RAB9B: variants seen among roughly 807,000 people sequenced by gnomAD.
RAB9B encodes ras-related protein Rab-9B.
Under a neutral mutation model 8.9 loss-of-function variants are expected in RAB9B, and 1 was observed. The ratio of observed to expected loss-of-function variants is 0.11; its 90% CI spans 0.04 to 0.53. The LOEUF (loss-of-function observed/expected upper bound fraction) is 0.53. Among genes scored for constraint, RAB9B ranks in the 20% least tolerant of loss-of-function variants. The pLI is 0.93. For synonymous variants in RAB9B, 63 were observed against 57.0 expected (o/e 1.10, Z -0.47); for missense variants, 82 against 152.9 (o/e 0.54, Z 2.45).
chrX:103,804,712 C>T, the RAB9B span, among the ~76,000 whole-genome samples: 4 of 111,771 alleles, frequency 3.6e-5, no homozygotes, highest in Middle Eastern at 4.2e-3. Context: ...GAAGTTTTGT[C>T]ATTTTCTGTG....
chrX:103,788,933 G>A, the RAB9B span: 3 of 277,000 alleles, frequency 1.1e-5, no homozygotes, highest in East Asian at 2.3e-4. Context: ...AAGTACATTT[G>A]AAAGGGAAAG....
chrX:103,787,045 G>A, the RAB9B span: 1 of 312,388 alleles, frequency 3.2e-6, no homozygotes, highest in Middle Eastern at 9.6e-4. Context: ...TACCACAAGA[G>A]TGGATCTAAC....
the RAB9B span, among the ~76,000 whole-genome samples, chrX:103,780,435 C>CTGTGTGTGTGTG: frequency 0.015 from 993 of 68,318 alleles, 19 homozygotes; most frequent in Admixed American, 0.063. Flanking sequence ...CATTCTGTCT[C>CTGTGTGTGTGTG]TCTCTGTGTG....
At position 103,823,898 on chromosome X, in the gene RAB9B, AT is replaced by A. The variant is rs1258933572; in HGVS notation, c.*1280del. Reference sequence around the variant, plus strand: ...GTCCCTCTCCATAGTCTTAGCTGTTATCATCAGATAAATCTAACCACAGCAT... The same window carrying A: ...GTCCCTCTCCATAGTCTTAGCTGTTACATCAGATAAATCTAACCACAGCAT... On this transcript the variant is annotated 3_prime_UTR_variant, in exon 3 of 3. Coordinates refer to ENST00000243298, the MANE Select transcript of RAB9B (RefSeq NM_016370.4). 1 of 112,488 alleles carries A rather than the reference AT, an allele frequency of 8.9e-6. No individual in the cohort carries two copies. Among genetic ancestry groups the A allele is most frequent in the African/African-American group, 3.2e-5 (1 of 30,976 alleles). The allele number at this position is 112,488 out of a possible 1,213,427, so 9.3% of individuals were successfully genotyped here. A position where few individuals can be genotyped will look rare whatever the true frequency, so the allele number is the denominator to read the frequency against.
chrX:103,810,832 C>A, the RAB9B span, among the ~76,000 whole-genome samples: 2 of 112,015 alleles, frequency 1.8e-5, no homozygotes, highest in African/African-American at 6.5e-5. Context: ...CTCTCTTCAC[C>A]TTCATACCTC....
chrX:103,796,655 G>C, the RAB9B span, among the ~76,000 whole-genome samples: 2 of 109,189 alleles, frequency 1.8e-5, no homozygotes, highest in African/African-American at 6.7e-5. Flanking sequence ...CCATGCTGGA[G>C]CATGTGGCCT....
At chrX:103,795,714 A>G in the RAB9B span, among the ~76,000 whole-genome samples, 2 of 112,311 alleles carry the variant, frequency 1.8e-5, no homozygotes, top group Non-Finnish European at 3.8e-5. Context: ...AAGTGAAGAG[A>G]AACATAAAAA....
intron 1 of RAB9B, among the ~76,000 whole-genome samples, chrX:103,831,306 G>A (rs2074702528): frequency 9.2e-6 from 1 of 108,312 alleles, no homozygotes; most frequent in African/African-American, 3.4e-5. Flanking sequence ...ACCCTCTGAC[G>A]CACTGGATTC....
the RAB9B span, among the ~76,000 whole-genome samples, chrX:103,798,776 A>G: frequency 9.3e-6 from 1 of 107,832 alleles, no homozygotes; most frequent in Non-Finnish European, 1.9e-5. Flanking sequence ...CTGAGTAGCT[A>G]GGATTACAGG....
chrX:103,801,967 TAGTCTCTACCATGAGGGG>T, the RAB9B span, among the ~76,000 whole-genome samples: 1 of 111,549 alleles, frequency 9.0e-6, no homozygotes, highest in Non-Finnish European at 1.9e-5. Flanking sequence ...TTGGAACACC[TAGTCTCTACCATGAGGGG>T]AGTCAATGCC....
the RAB9B span, chrX:103,790,670 T>A: frequency 1.3e-6 from 1 of 795,824 alleles, no homozygotes; most frequent in Admixed American, 2.2e-5. Flanking sequence ...GCGTCTCCCA[T>A]CTTAACTCTT....
intron 1 of RAB9B, 92 bp from the exon 2 acceptor site, chrX:103,827,170 A>G (rs1023223265): frequency 2.7e-5 from 3 of 110,493 alleles, no homozygotes; most frequent in African/African-American, 9.8e-5. Flanking sequence ...GTCAGAAAAA[A>G]AAAAAGAACC....
the RAB9B span, among the ~76,000 whole-genome samples, chrX:103,795,641 A>G: frequency 8.9e-6 from 1 of 112,166 alleles, no homozygotes; most frequent in Admixed American, 9.4e-5. Context: ...CATGTACCAG[A>G]TAGAAATTTG....
the RAB9B span, among the ~76,000 whole-genome samples, chrX:103,804,084 C>T: frequency 1.2e-3 from 137 of 111,692 alleles, no homozygotes; most frequent in African/African-American, 4.0e-3. Flanking sequence ...TCTAAGGTCA[C>T]ACAGATTTTT....
At chrX:103,786,671 A>G in the RAB9B span, 1 of 1,209,303 alleles carries the variant, frequency 8.3e-7, no homozygotes, top group Non-Finnish European at 1.1e-6. Context: ...CATCAAGCTC[A>G]TTCTTTGGAG....
At chrX:103,816,171 C>T in the RAB9B span, among the ~76,000 whole-genome samples, 2 of 111,435 alleles carry the variant, frequency 1.8e-5, no homozygotes, top group African/African-American at 3.3e-5. Context: ...AGCTACCTGA[C>T]TTCAAACTTT....
the RAB9B span, among the ~76,000 whole-genome samples, chrX:103,789,779 C>G: frequency 9.0e-6 from 1 of 111,731 alleles, no homozygotes; most frequent in Non-Finnish European, 1.9e-5. Context: ...CTTGCTATAG[C>G]CTGGAATTCT....
At chrX:103,790,996 G>A in the RAB9B span, 1 of 211,979 alleles carries the variant, frequency 4.7e-6, no homozygotes, top group Non-Finnish European at 8.6e-6. Context: ...GAGAAGGAAT[G>A]TCTTTGGTCC....
the RAB9B span, chrX:103,789,161 G>A: frequency 1.0e-5 from 5 of 501,309 alleles, no homozygotes; most frequent in Non-Finnish European, 1.8e-5. Flanking sequence ...GTGCTATGGT[G>A]TACACTGAAG....
Sources: allele counts gnomAD v4.1 joint callset (sites outside exome capture counted in the v4.1 genomes callset), GRCh38; gene constraint gnomAD v4.1.1; transcripts MANE v1.5; gene names NCBI Gene and HGNC (gene_info 2026-07-23, HGNC 2026-07-21).